BMPR2: variants seen among roughly 807,000 people sequenced by gnomAD.
BMPR2 encodes bone morphogenetic protein receptor type-2.
BMPR2 carries 29 observed loss-of-function variants against 100.8 expected under a neutral mutation model. That is an observed-to-expected ratio of 0.29 (90% CI 0.21 to 0.39). The LOEUF is 0.39. Ranked by LOEUF, BMPR2 falls within the 10% of genes least tolerant of loss-of-function variation. BMPR2 has a pLI of 1.00. For missense variants in BMPR2, 1,011 were observed against 1,274.5 expected (o/e 0.79, Z 3.15); for synonymous variants, 382 against 442.3 (o/e 0.86, Z 1.71).
rs141854934 is a variant in BMPR2 at position 202,435,376 on chromosome 2, C to CATATATATATATATATATAT, written c.77-29420_77-29401dup. ...CAGATCCTGTCTCAAAAAAAAAATACATATATATATATATATATATATATA... is the reference window on the plus strand; with the variant it reads ...CAGATCCTGTCTCAAAAAAAAAATACATATATATATATATATATATATATATATATATATATATATATATA... On this transcript the variant is annotated intron_variant, in intron 1 of 12. Coordinates refer to ENST00000374580, the MANE Select transcript of BMPR2 (RefSeq NM_001204.7). Among the ~76,000 whole-genome samples, 100 of 103,398 alleles carry CATATATATATATATATATAT rather than the reference C, an allele frequency of 9.7e-4. 3 individuals carry two copies. Among genetic ancestry groups the CATATATATATATATATATAT allele is most frequent in the South Asian group, 1.8e-3 (6 of 3,314 alleles). 67.8% of individuals were successfully genotyped at this position (103,398 alleles called of 152,430 possible).
intron 1 of BMPR2, among the ~76,000 whole-genome samples, chr2:202,400,053 G>T (rs1459505009): frequency 1.3e-5 from 2 of 152,106 alleles, no homozygotes; most frequent in Admixed American, 6.6e-5. Context: ...GTTCAAATCT[G>T]CATTGAGCAC....
intron 10 of BMPR2, among the ~76,000 whole-genome samples, chr2:202,551,866 T>G (rs975218630): frequency 6.7e-6 from 1 of 149,700 alleles, no homozygotes; most frequent in Admixed American, 6.6e-5. Flanking sequence ...TGGCTAATTT[T>G]TTTTTTTTTT....
chr2:202,437,107 G>A (rs1691628701), intron 1 of BMPR2, among the ~76,000 whole-genome samples: 1 of 150,440 alleles, frequency 6.6e-6, no homozygotes, highest in Non-Finnish European at 1.5e-5. Flanking sequence ...CCAGGTTCAA[G>A]CGATTCTTCT....
chr2:202,458,273 CT>C lies in BMPR2; in HGVS notation c.77-6534del, dbSNP rs1200911552. 2.1e-4 allele frequency among the ~76,000 whole-genome samples: 24 copies of C among 116,496 alleles called. 1 individual carries two copies. In the South Asian group the frequency reaches 7.2e-3, roughly 35 times the overall value. The allele number at this position is 116,496 out of a possible 152,430, so 76.4% of individuals were successfully genotyped here. ...ACCAGCCTGGGCAACATAGCAAGAC[CT>C]TGTCTCTGCAAAAAAAAAAAAAAAA... On this transcript the variant is annotated intron_variant, in intron 1 of 12. Transcript: ENST00000374580.
At chr2:202,537,811 T>C (rs1688190781) in intron 9 of BMPR2, among the ~76,000 whole-genome samples, 3 of 151,896 alleles carry the variant, frequency 2.0e-5, no homozygotes, top group Admixed American at 6.6e-5. Context: ...TCTGTACTTG[T>C]GGTTATCTGT....
chr2:202,538,366 G>A (rs1261185074), intron 9 of BMPR2, among the ~76,000 whole-genome samples: 1 of 152,028 alleles, frequency 6.6e-6, no homozygotes, highest in East Asian at 1.9e-4. Context: ...TGAGGCAGGA[G>A]AACTGCTTGA....
chr2:202,377,237 C>G lies in BMPR2; in HGVS notation c.-238C>G. The G allele has an allele frequency of 1.6e-6, 1 of 610,608 alleles. No individual in the cohort carries two copies. The highest frequency in any genetic ancestry group is 2.9e-6 in the Non-Finnish European group (1 of 339,038). 37.8% of individuals were successfully genotyped at this position (610,608 alleles called of 1,614,324 possible). The stretch of plus-strand genomic sequence containing the variant: ...GCCTTCCGTTTGGAGGGCCGCGGCA[C>G]CCCGTCCGAGGCGAAGGAACCCCCC... On this transcript the variant is annotated 5_prime_UTR_variant, in exon 1 of 13. Coordinates refer to ENST00000374580, the MANE Select transcript of BMPR2 (RefSeq NM_001204.7).
chr2:202,402,740 TG>T (rs1398473387), intron 1 of BMPR2, among the ~76,000 whole-genome samples: 2 of 149,848 alleles, frequency 1.3e-5, no homozygotes, highest in African/African-American at 4.9e-5. Context: ...GATCTTGGCT[TG>T]CTGCAACCTC....
intron 1 of BMPR2, among the ~76,000 whole-genome samples, chr2:202,401,548 GTTGTTAATCCTTAATACATATGTAA>G (rs1690769082): frequency 6.6e-6 from 1 of 152,124 alleles, no homozygotes; most frequent in Non-Finnish European, 1.5e-5. Flanking sequence ...TTCTGTATAG[GTTGTTAATCCTTAATACATATGTAA>G]TACTTAGTCT....
intron 1 of BMPR2, among the ~76,000 whole-genome samples, chr2:202,396,284 T>C (rs1690655016): frequency 6.6e-6 from 1 of 152,226 alleles, no homozygotes; most frequent in African/African-American, 2.4e-5. Flanking sequence ...TTATTTGGTA[T>C]ATATGTAGTC....
chr2:202,471,483 A>G (rs1363680687), intron 3 of BMPR2, among the ~76,000 whole-genome samples: 4 of 152,232 alleles, frequency 2.6e-5, no homozygotes, highest in African/African-American at 9.6e-5. Context: ...AAAGAAGGAC[A>G]CATGGAAATC....
At position 202,556,542 on chromosome 2, in the gene BMPR2, G is replaced by A. The variant is rs1485441984; in HGVS notation, c.2866+11G>A. 3.1e-6 allele frequency: 5 copies of A among 1,609,130 alleles called. No homozygotes were observed. Among genetic ancestry groups the A allele is most frequent in the South Asian group, 1.1e-5 (1 of 91,034 alleles). On this transcript the variant is annotated intron_variant, in intron 12 of 12. Transcript: ENST00000374580. ...GCAGCAGTATACAGAGTAAGTGGAG[G>A]GATCATATAATCTCTCCTGTGTGTC...
chr2:202,486,711 A>T (rs955834790), intron 3 of BMPR2, among the ~76,000 whole-genome samples: 7 of 152,074 alleles, frequency 4.6e-5, no homozygotes, highest in Non-Finnish European at 7.4e-5. Context: ...AATGAATTAT[A>T]TGGACCATTC....
intron 7 of BMPR2, among the ~76,000 whole-genome samples, chr2:202,522,788 C>G (rs1687841481): frequency 6.6e-6 from 1 of 151,866 alleles, no homozygotes; most frequent in Non-Finnish European, 1.5e-5. Context: ...TATGATCATG[C>G]CACTGCACTT....
At chr2:202,377,965 G>A (rs1307123620) in intron 1 of BMPR2, among the ~76,000 whole-genome samples, 3 of 152,182 alleles carry the variant, frequency 2.0e-5, no homozygotes, top group Non-Finnish European at 4.4e-5. Context: ...ATAGTAAAAA[G>A]AACATCAACT....
At chr2:202,472,569 GA>G (rs2105966327) in intron 3 of BMPR2, among the ~76,000 whole-genome samples, 1 of 152,350 alleles carries the variant, frequency 6.6e-6, no homozygotes, top group South Asian at 2.1e-4. Flanking sequence ...TGAGGCAGAA[GA>G]ATCACTTGAA....
At chr2:202,394,681 C>T (rs1690623589) in intron 1 of BMPR2, among the ~76,000 whole-genome samples, 1 of 151,946 alleles carries the variant, frequency 6.6e-6, no homozygotes, top group African/African-American at 2.4e-5. Context: ...CGAGTACCTC[C>T]TTGTGGCAGG....
At chr2:202,388,465 C>T (rs1293448273) in intron 1 of BMPR2, among the ~76,000 whole-genome samples, 4 of 142,334 alleles carry the variant, frequency 2.8e-5, no homozygotes, top group African/African-American at 7.8e-5. Flanking sequence ...TTGAGTTATT[C>T]TGATTCCTTG....
At chr2:202,398,927 G>A (rs921566525) in intron 1 of BMPR2, among the ~76,000 whole-genome samples, 27 of 152,144 alleles carry the variant, frequency 1.8e-4, no homozygotes, top group African/African-American at 6.5e-4. Context: ...TTGGGAGTTC[G>A]AGATCAGTGT....
Sources: gnomAD v4.1 joint callset for allele counts (sites outside exome capture counted in the v4.1 genomes callset) on GRCh38, gnomAD v4.1.1 for gene constraint, MANE v1.5 for transcripts, NCBI Gene and HGNC (gene_info 2026-07-23, HGNC 2026-07-21) for gene names.